Variants in CACNA2D2 observed in about 807,000 individuals in gnomAD.
CACNA2D2 encodes the protein calcium voltage-gated channel auxiliary subunit alpha2delta 2, also known as voltage-dependent calcium channel subunit alpha-2/delta-2.
A neutral mutation model predicts 166.4 loss-of-function variants in CACNA2D2; 48 were observed. The observed-to-expected ratio is 0.29, with a 90% CI of 0.23 to 0.37. The LOEUF (loss-of-function observed/expected upper bound fraction) is 0.37, where lower values mean the gene tolerates loss of function less well. CACNA2D2 is among the 10% of genes least tolerant of loss of function. The pLI is 1.00. For missense variants in CACNA2D2, 1,122 were observed against 1,433.0 expected, an observed-to-expected ratio of 0.78 and a Z score of 3.50; for synonymous variants, 561 against 573.7, an observed-to-expected ratio of 0.98 and a Z score of 0.32.
At chr3:50,488,730 C>T (rs1378074776) in intron 1 of CACNA2D2, among the ~76,000 whole-genome samples, 5 of 151,700 alleles carry the variant, frequency 3.3e-5, no homozygotes, top group Admixed American at 6.6e-5. Context: ...GACAGAGTCT[C>T]GCTCTGTTGC....
At chr3:50,378,227 C>T (rs1268910236) in intron 14 of CACNA2D2, 57 bp downstream of exon 14, 11 of 1,555,978 alleles carry the variant, frequency 7.1e-6, no homozygotes, top group Non-Finnish European at 8.7e-6. Context: ...GCCCATGGCA[C>T]ACAGCGTCCC....
chr3:50,394,468 G>A (rs554092638), intron 3 of CACNA2D2, among the ~76,000 whole-genome samples: 5 of 152,316 alleles, frequency 3.3e-5, no homozygotes, highest in East Asian at 1.9e-4. Flanking sequence ...CTCTACCCCC[G>A]ACACACTTGT....
chr3:50,375,884 G>T lies in CACNA2D2; in HGVS notation c.1774-4C>A, dbSNP rs748266125. On this transcript the variant is annotated splice_polypyrimidine_tract_variant and splice_region_variant and intron_variant, in intron 19 of 37. Transcript: ENST00000424201. The surrounding 1 kb of genome is among the most constrained non-coding windows in gnomAD (Gnocchi z 4.0). The stretch of plus-strand genomic sequence containing the variant: ...CATCAATCATGCTCCGACGGATCTG[G>T]AAGGGCCAGAGATGTGAGGGGCAGG... 4 of 1,613,042 alleles carry T rather than the reference G, an allele frequency of 2.5e-6. No homozygotes were observed. In the Admixed American group the frequency reaches 6.7e-5, roughly 27 times the overall value.
chr3:50,484,669 C>G (rs1302160186), intron 1 of CACNA2D2, among the ~76,000 whole-genome samples: 1 of 152,230 alleles, frequency 6.6e-6, no homozygotes, highest in East Asian at 1.9e-4. Context: ...GCACCCCCCC[C>G]AGCAGCAACT....
chr3:50,375,793 A>G lies in CACNA2D2; in HGVS notation c.1845+16T>C. The G allele has an allele frequency of 6.2e-7, 1 of 1,612,970 alleles. No homozygotes were observed. Among genetic ancestry groups the G allele is most frequent in the Non-Finnish European group, 8.5e-7 (1 of 1,179,948 alleles). ...TGCCCACCCTGACTCCCTGGCCCCC[A>G]GCCCTGCCTCCTTACCTCATCCAGG... On this transcript the variant is annotated intron_variant, in intron 20 of 37. Coordinates refer to ENST00000424201, the MANE Select transcript of CACNA2D2 (RefSeq NM_006030.4). This position sits in a 1 kb window ranked among gnomAD's most constrained non-coding sequence, Gnocchi z 4.0.
At chr3:50,480,827 GAA>G in intron 1 of CACNA2D2, among the ~76,000 whole-genome samples, 1 of 65,396 alleles carries the variant, frequency 1.5e-5, no homozygotes, top group Non-Finnish European at 3.0e-5. Context: ...GGGTAAAGAG[GAA>G]GGGGGTTGGA....
chr3:50,437,146 G>A (rs1708387896), intron 2 of CACNA2D2, among the ~76,000 whole-genome samples: 1 of 152,164 alleles, frequency 6.6e-6, no homozygotes, highest in Non-Finnish European at 1.5e-5. Context: ...AGCCCTCGGG[G>A]CCCAGGGATG....
intron 3 of CACNA2D2, among the ~76,000 whole-genome samples, chr3:50,414,277 G>A (rs937543533): frequency 1.3e-5 from 2 of 152,066 alleles, no homozygotes; most frequent in Admixed American, 6.5e-5. Context: ...CCGTGCAAGC[G>A]TGGCCAAGCC....
At chr3:50,420,969 C>G (rs954757571) in intron 3 of CACNA2D2, among the ~76,000 whole-genome samples, 1 of 152,216 alleles carries the variant, frequency 6.6e-6, no homozygotes, top group Non-Finnish European at 1.5e-5. Flanking sequence ...ATGGGCACTC[C>G]TGGGGCAGGG....
intron 5 of CACNA2D2, among the ~76,000 whole-genome samples, chr3:50,386,404 T>C (rs1358194977): frequency 6.6e-6 from 1 of 152,364 alleles, no homozygotes; most frequent in Non-Finnish European, 1.5e-5. Context: ...AATGCACTGA[T>C]TGCTAAAATT....
In CACNA2D2 at chr3:50,364,755, C is replaced by T; in HGVS notation, c.3343G>A (p.Val1115Ile). ...RGASFPPSLG[V>I]LVSLQLLLLL... ...AGCAGCAGTTGCAGGGAGACCAGGA[C>T]GCCCAGCGACGGCGGGAAGGAGGCC... is the stretch of plus-strand genomic sequence containing the variant. The change falls in exon 38 of 38, where the codon GTC becomes ATC. Residue 1115 changes from valine to isoleucine, a missense_variant. By Grantham distance (29) the Val-to-Ile change is conservative. Around this residue, in one of 2 missense-constraint regions of CACNA2D2, gnomAD observed 282 missense variants for 266.2 expected, o/e 1.06. Coordinates refer to ENST00000424201, the MANE Select transcript of CACNA2D2 (RefSeq NM_006030.4). 1 of 1,572,320 alleles carries T rather than the reference C, an allele frequency of 6.4e-7. No homozygotes were observed. The highest frequency in any genetic ancestry group is 8.6e-7 in the Non-Finnish European group (1 of 1,159,774).
At chr3:50,422,306 G>A (rs759134334) in intron 3 of CACNA2D2, among the ~76,000 whole-genome samples, 1 of 152,128 alleles carries the variant, frequency 6.6e-6, no homozygotes, top group Non-Finnish European at 1.5e-5. Flanking sequence ...GAAGCTGGAG[G>A]CCGCCCTGGA....
At chr3:50,405,516 C>T (rs1706665344) in intron 3 of CACNA2D2, among the ~76,000 whole-genome samples, 1 of 152,186 alleles carries the variant, frequency 6.6e-6, no homozygotes. Flanking sequence ...TGCCCAGGCC[C>T]CCTCATTCCT....
intron 1 of CACNA2D2, among the ~76,000 whole-genome samples, chr3:50,481,254 C>T (rs996701450): frequency 3.9e-5 from 6 of 152,008 alleles, no homozygotes; most frequent in Non-Finnish European, 8.8e-5. Context: ...GGGCAGGCCC[C>T]GGAAGGGTCA....
Position 50,376,013 on chromosome 3 carries a change from C to T in CACNA2D2, c.1723G>A (p.Val575Met). Residue 575 changes from valine (V) to methionine (M), a missense_variant, in exon 19 of 38, where the codon GTG becomes ATG. Transcript: ENST00000424201. This position sits in a 1 kb window ranked among gnomAD's most constrained non-coding sequence, Gnocchi z 4.3. Reference sequence around the variant, plus strand: ...TCCGCATCCAGGAAGTCCAGAGTCACAGGCTCCCGGAAGTTGGTGGTCTGT... The same window carrying T: ...TCCGCATCCAGGAAGTCCAGAGTCATAGGCTCCCGGAAGTTGGTGGTCTGT... Reference protein sequence around the residue: ...KPQTTNFREPVTLDFLDAELE... With the variant: ...KPQTTNFREPMTLDFLDAELE... 1 of 1,613,430 alleles carries T rather than the reference C, an allele frequency of 6.2e-7. No homozygotes were observed. The highest frequency in any genetic ancestry group is 8.5e-7 in the Non-Finnish European group (1 of 1,180,004).
At chr3:50,416,150 G>C (rs142226410) in intron 3 of CACNA2D2, 8 of 152,400 alleles carry the variant, frequency 5.2e-5, no homozygotes, top group African/African-American at 1.7e-4. Flanking sequence ...GGCCAGGGCT[G>C]AGCCCATTTG....
At chr3:50,415,982 C>T (rs1458382752) in intron 3 of CACNA2D2, 1 of 152,312 alleles carries the variant, frequency 6.6e-6, no homozygotes. Flanking sequence ...CTCACTTGCC[C>T]TCTGCTCTGG....
intron 3 of CACNA2D2, among the ~76,000 whole-genome samples, chr3:50,421,908 C>A (rs1707584688): frequency 6.6e-6 from 1 of 152,090 alleles, no homozygotes; most frequent in Non-Finnish European, 1.5e-5. Flanking sequence ...TGGCTGCCTC[C>A]TGGGGAGGTG....
intron 2 of CACNA2D2, among the ~76,000 whole-genome samples, chr3:50,451,111 T>G (rs995124669): frequency 5.3e-5 from 8 of 152,008 alleles, no homozygotes; most frequent in Admixed American, 5.2e-4. Context: ...CATCATCACT[T>G]TTATCCCTCC....
Sources: allele counts gnomAD v4.1 joint callset (sites outside exome capture counted in the v4.1 genomes callset), GRCh38; gene constraint gnomAD v4.1.1; regional missense constraint gnomAD v4.1.1; non-coding constraint Gnocchi (gnomAD v3.1); transcripts MANE v1.5; gene names NCBI Gene and HGNC (gene_info 2026-07-23, HGNC 2026-07-21).